Variants in ITGB6 observed in about 807,000 individuals in gnomAD.
ITGB6 encodes the protein integrin beta-6.
Under a neutral mutation model 84.5 loss-of-function variants are expected in ITGB6, and 80 were observed. The ratio of observed to expected loss-of-function variants is 0.95; its 90% CI spans 0.79 to 1.14. ITGB6 has a LOEUF of 1.14. ITGB6 is among the 50% of genes most tolerant of loss of function. The pLI is 0.00. For missense variants in ITGB6, 1,006 were observed against 968.0 expected (o/e 1.04, Z -0.52); for synonymous variants, 383 against 354.9 (o/e 1.08, Z -0.89).
At chr2:160,189,614 C>T (rs969849094) in intron 4 of ITGB6, among the ~76,000 whole-genome samples, 4 of 152,194 alleles carry the variant, frequency 2.6e-5, no homozygotes, top group Non-Finnish European at 5.9e-5. Context: ...TGGTCATCAT[C>T]ACTGGCCATC....
intron 7 of ITGB6, 89 bp from the exon 8 acceptor site, chr2:160,142,160 C>G (rs925907809): frequency 1.4e-6 from 1 of 739,566 alleles, no homozygotes; most frequent in African/African-American, 1.8e-5. Flanking sequence ...ATGATTGCCT[C>G]TATTTAACTG....
At chr2:160,126,957 T>G (rs1683268362) in intron 10 of ITGB6, among the ~76,000 whole-genome samples, 1 of 151,928 alleles carries the variant, frequency 6.6e-6, no homozygotes, top group South Asian at 2.1e-4. Context: ...GTGATGAGAG[T>G]GGGTGGTCCG....
intron 7 of ITGB6, among the ~76,000 whole-genome samples, chr2:160,162,721 C>T (rs57594443): frequency 0.13 from 19,345 of 152,028 alleles, 2,396 homozygotes; most frequent in East Asian, 0.45. Flanking sequence ...CAGGTTCAAG[C>T]GATTCTCCTG....
intron 7 of ITGB6, among the ~76,000 whole-genome samples, chr2:160,145,426 C>T (rs940360316): frequency 6.6e-6 from 1 of 152,204 alleles, no homozygotes; most frequent in African/African-American, 2.4e-5. Flanking sequence ...CTTCCTTCTT[C>T]AAGTCCTATT....
At chr2:160,104,222 T>C (rs1210482499) in intron 14 of ITGB6, among the ~76,000 whole-genome samples, 1 of 152,168 alleles carries the variant, frequency 6.6e-6, no homozygotes, top group Non-Finnish European at 1.5e-5. Flanking sequence ...GAAGAGCAAG[T>C]ACATATTGCT....
chr2:160,136,436 C>G (rs998273890), intron 10 of ITGB6, among the ~76,000 whole-genome samples: 1 of 152,202 alleles, frequency 6.6e-6, no homozygotes, highest in Non-Finnish European at 1.5e-5. Flanking sequence ...AATAGGAACA[C>G]TTTTACACTG....
At chr2:160,120,907 G>A (rs114100563) in intron 12 of ITGB6, among the ~76,000 whole-genome samples, 3,094 of 137,830 alleles carry the variant, frequency 0.022, 126 homozygotes, top group African/African-American at 0.08. Context: ...TTCAGGGACC[G>A]TTGTGGGATG....
chr2:160,148,094 A>G lies in ITGB6; in HGVS notation c.1018-6023T>C, dbSNP rs189404726. ...TACTACAAGACTATTACCAAAATATACAAAGAACTCTTAACAAGAAAACAA... is the reference window on the plus strand; with the variant it reads ...TACTACAAGACTATTACCAAAATATGCAAAGAACTCTTAACAAGAAAACAA... On this transcript the variant is annotated intron_variant, in intron 7 of 14. Coordinates refer to ENST00000283249, the MANE Select transcript of ITGB6 (RefSeq NM_000888.5). Among the ~76,000 whole-genome samples, 415 of 152,340 alleles carry G rather than the reference A, an allele frequency of 2.7e-3. 2 individuals are homozygous for G. Among genetic ancestry groups the G allele is most frequent in the African/African-American group, 9.3e-3 (385 of 41,588 alleles).
intron 14 of ITGB6, among the ~76,000 whole-genome samples, chr2:160,106,712 A>G (rs1696922506): frequency 6.6e-6 from 1 of 152,250 alleles, no homozygotes; most frequent in Non-Finnish European, 1.5e-5. Context: ...TCATTAATTT[A>G]GAATAACCGC....
chr2:160,170,501 G>C (rs889359887), intron 6 of ITGB6, among the ~76,000 whole-genome samples: 1 of 152,080 alleles, frequency 6.6e-6, no homozygotes, highest in Non-Finnish European at 1.5e-5. Context: ...TTATCTCCAC[G>C]TGTTCCCACA....
At chr2:160,148,800 C>T (rs941148959) in intron 7 of ITGB6, among the ~76,000 whole-genome samples, 8 of 152,254 alleles carry the variant, frequency 5.3e-5, no homozygotes, top group Admixed American at 2.6e-4. Flanking sequence ...GATTCTCTCC[C>T]GTACCTGGCT....
intron 4 of ITGB6, among the ~76,000 whole-genome samples, chr2:160,187,254 A>G (rs1409577221): frequency 6.6e-6 from 1 of 152,196 alleles, no homozygotes; most frequent in Non-Finnish European, 1.5e-5. Flanking sequence ...TCACTGAATC[A>G]ATATTTTACA....
At chr2:160,130,411 G>T (rs761851767) in intron 10 of ITGB6, among the ~76,000 whole-genome samples, 1 of 151,816 alleles carries the variant, frequency 6.6e-6, no homozygotes, top group South Asian at 2.1e-4. Flanking sequence ...GATTATGTCG[G>T]GATAAACTCA....
At chr2:160,137,998 A>T in intron 9 of ITGB6, 67 bp downstream of exon 9, 1 of 1,540,896 alleles carries the variant, frequency 6.5e-7, no homozygotes. Flanking sequence ...ATCCAGCTTC[A>T]GTGAGCTCAG....
At chr2:160,131,724 G>T (rs561117715) in intron 10 of ITGB6, among the ~76,000 whole-genome samples, 1 of 152,088 alleles carries the variant, frequency 6.6e-6, no homozygotes, top group Non-Finnish European at 1.5e-5. Context: ...GAAGGAAATC[G>T]GCATTGGTGA....
chr2:160,145,449 C>G (rs907640715), intron 7 of ITGB6, among the ~76,000 whole-genome samples: 1 of 152,186 alleles, frequency 6.6e-6, no homozygotes, highest in Non-Finnish European at 1.5e-5. Context: ...TCTCTTCACT[C>G]GGCCCCATCT....
chr2:160,199,436 T>G (rs369947278), intron 1 of ITGB6, among the ~76,000 whole-genome samples, 178 bp from the exon 2 acceptor site: 22 of 152,370 alleles, frequency 1.4e-4, no homozygotes, highest in Admixed American at 4.6e-4. Context: ...ATCTATCACA[T>G]GTAAAATATG....
intron 4 of ITGB6, 143 bp from the exon 5 acceptor site, chr2:160,174,282 CT>C: frequency 1.6e-6 from 1 of 635,460 alleles, no homozygotes; most frequent in Admixed American, 3.3e-5. Context: ...ATGAATCTCA[CT>C]GTTAAGGTTG....
chr2:160,119,828 C>A (rs1345798557), intron 12 of ITGB6, among the ~76,000 whole-genome samples: 5 of 151,990 alleles, frequency 3.3e-5, no homozygotes, highest in Non-Finnish European at 4.4e-5. Flanking sequence ...AAGAAAAAAA[C>A]AAACAACCCC....
Sources: gnomAD v4.1 joint callset for allele counts (sites outside exome capture counted in the v4.1 genomes callset) on GRCh38, gnomAD v4.1.1 for gene constraint, MANE v1.5 for transcripts, NCBI Gene and HGNC (gene_info 2026-07-23, HGNC 2026-07-21) for gene names.